The following RFFL variants were observed in gnomAD, a reference collection of about 807,000 sequenced individuals.
The protein encoded by RFFL is E3 ubiquitin-protein ligase rififylin.
Under a neutral mutation model 40.4 loss-of-function variants are expected in RFFL, and 16 were observed. The ratio of observed to expected loss-of-function variants is 0.40; its 90% confidence interval spans 0.27 to 0.60. RFFL has a LOEUF of 0.60. RFFL is among the 20% of genes least tolerant of loss of function. The pLI is 0.47. For synonymous variants in RFFL, 154 were observed against 167.9 expected, an observed-to-expected ratio of 0.92 and a Z score of 0.64; for missense variants, 367 against 451.7, an observed-to-expected ratio of 0.81 and a Z score of 1.70.
chr17:35,072,026 A>ATACCAGCATTTT (rs1399078285), intron 1 of RFFL, among the ~76,000 whole-genome samples: 1 of 152,020 alleles, frequency 6.6e-6, no homozygotes, highest in African/African-American at 2.4e-5. Context: ...CACACCTGTA[A>ATACCAGCATTTT]TACCAGCATT....
chr17:35,023,165 T>C (rs1293093316), intron 2 of RFFL, among the ~76,000 whole-genome samples: 2 of 152,220 alleles, frequency 1.3e-5, no homozygotes, highest in African/African-American at 4.8e-5. Flanking sequence ...TTGACTTAAG[T>C]AGTAACTTAA....
chr17:35,032,630 G>C (rs1250245444), intron 1 of RFFL, among the ~76,000 whole-genome samples: 1 of 152,028 alleles, frequency 6.6e-6, no homozygotes, highest in African/African-American at 2.4e-5. Context: ...TGTATACACA[G>C]GTACATGTTT....
At chr17:35,037,753 T>G (rs994011956) in intron 1 of RFFL, among the ~76,000 whole-genome samples, 2 of 152,218 alleles carry the variant, frequency 1.3e-5, no homozygotes, top group Non-Finnish European at 2.9e-5. Context: ...CCTCTTGAGA[T>G]GTAGTCCTGA....
chr17:35,046,074 G>C (rs368856137), intron 1 of RFFL, among the ~76,000 whole-genome samples: 7 of 150,664 alleles, frequency 4.6e-5, no homozygotes, highest in African/African-American at 1.5e-4. Flanking sequence ...ATTCCGGGAT[G>C]ATCAGTAAAT....
Position 35,021,681 on chromosome 17 carries a change from G to A in RFFL, c.281C>T (p.Thr94Ile). The A allele has an allele frequency of 1.9e-6, 3 of 1,614,250 alleles. No individual in the cohort carries two copies. The highest frequency in any genetic ancestry group is 2.2e-5 in the East Asian group (1 of 44,892). ...CATGAGCTCCTCTCGCTGAAAGGCT[G>A]TAGCTCGAAACCGTTGGCAGAGAAG... ...LCLLCQRFRA[T>I]AFQREELMKM... Residue 94 changes from threonine (T) to isoleucine (I), a missense_variant, in exon 3 of 7, where the codon ACA (threonine) becomes ATA (isoleucine). Physicochemically the swap from Thr to Ile is moderately conservative, Grantham distance 89. Coordinates refer to ENST00000394597, the MANE Select transcript of RFFL (RefSeq NM_001017368.2).
At chr17:35,020,549 C>T (rs1433256656) in intron 3 of RFFL, among the ~76,000 whole-genome samples, 2 of 151,640 alleles carry the variant, frequency 1.3e-5, no homozygotes, top group African/African-American at 4.9e-5. Flanking sequence ...AATTGTCTTC[C>T]ACAAAACGAG....
chr17:35,011,872 T>C lies in RFFL; in HGVS notation c.*96A>G. On this transcript the variant is annotated 3_prime_UTR_variant, in exon 7 of 7. Transcript: ENST00000394597. ...ACCTGGTTTTGGGAACCCTGCAATA[T>C]TTCTACTAGCTTGCTCCTCTGCAAG... 2 of 1,223,570 alleles carry C rather than the reference T, an allele frequency of 1.6e-6. No homozygotes were observed. The highest frequency in any genetic ancestry group is 2.3e-6 in the Non-Finnish European group (2 of 855,038). The allele number at this position is 1,223,570 out of a possible 1,614,324, so 75.8% of individuals were successfully genotyped here.
At chr17:35,061,476 T>C (rs911000317) in intron 1 of RFFL, among the ~76,000 whole-genome samples, 1 of 152,180 alleles carries the variant, frequency 6.6e-6, no homozygotes, top group African/African-American at 2.4e-5. Flanking sequence ...GATTGATTTT[T>C]GGGATGGAGT....
At chr17:35,069,919 A>G (rs1353822562) in intron 1 of RFFL, among the ~76,000 whole-genome samples, 2 of 152,146 alleles carry the variant, frequency 1.3e-5, no homozygotes, top group African/African-American at 4.8e-5. Flanking sequence ...GCTTTAAAAA[A>G]TTCACATTAA....
rs376169132 is a variant in RFFL at position 35,079,267 on chromosome 17, A to G, written c.-9+9838T>C. Reference sequence around the variant, plus strand: ...TTGAACTCCTGAACCCAAGTGATCCACCCACCTCAGCCTCCCAAAGTGCTG... The same window carrying G: ...TTGAACTCCTGAACCCAAGTGATCCGCCCACCTCAGCCTCCCAAAGTGCTG... On this transcript the variant is annotated intron_variant, in intron 1 of 6. Transcript: ENST00000315249. Among the ~76,000 whole-genome samples, 833 of 152,080 alleles carry G rather than the reference A, an allele frequency of 5.5e-3. 6 individuals are homozygous for G. Among genetic ancestry groups the G allele is most frequent in the African/African-American group, 0.019 (776 of 41,486 alleles).
At chr17:35,016,946 G>A (rs535313030) in intron 4 of RFFL, among the ~76,000 whole-genome samples, 5 of 152,232 alleles carry the variant, frequency 3.3e-5, no homozygotes, top group African/African-American at 9.6e-5. Context: ...CTCTGAGCCC[G>A]TTTGCCCCTC....
At chr17:35,037,347 G>A (rs1000160407) in intron 1 of RFFL, among the ~76,000 whole-genome samples, 1 of 152,180 alleles carries the variant, frequency 6.6e-6, no homozygotes, top group Non-Finnish European at 1.5e-5. Context: ...TGAATCATTA[G>A]TACAGAATGG....
intron 6 of RFFL, among the ~76,000 whole-genome samples, chr17:35,012,865 TATTC>T (rs1257656394): frequency 6.6e-6 from 1 of 152,254 alleles, no homozygotes; most frequent in Non-Finnish European, 1.5e-5. Context: ...TAATTCAACA[TATTC>T]AATCAATTTT....
chr17:35,031,601 T>C (rs1388335583), intron 1 of RFFL, among the ~76,000 whole-genome samples: 3 of 151,648 alleles, frequency 2.0e-5, no homozygotes, highest in Non-Finnish European at 2.9e-5. Context: ...TTAACGGAGG[T>C]TTGCACCATG....
chr17:35,018,586 C>T (rs546612062), intron 3 of RFFL: 2 of 152,160 alleles, frequency 1.3e-5, no homozygotes, highest in Non-Finnish European at 2.9e-5. Flanking sequence ...AGTGAAGGGA[C>T]AATCTGGGAA....
chr17:35,035,507 G>C (rs576893749), intron 1 of RFFL, among the ~76,000 whole-genome samples: 1 of 151,668 alleles, frequency 6.6e-6, no homozygotes, highest in Non-Finnish European at 1.5e-5. Flanking sequence ...TGGGGAAGGG[G>C]GTTATTACAG....
chr17:35,071,996 C>T (rs1357455407), intron 1 of RFFL, among the ~76,000 whole-genome samples: 7 of 151,894 alleles, frequency 4.6e-5, no homozygotes, highest in Admixed American at 4.6e-4. Context: ...AAAATACATT[C>T]GAGGCTGGGT....
At chr17:35,043,048 CT>C (rs1567708735) in intron 1 of RFFL, among the ~76,000 whole-genome samples, 1 of 152,088 alleles carries the variant, frequency 6.6e-6, no homozygotes, top group Non-Finnish European at 1.5e-5. Context: ...ATTTTCTATC[CT>C]CCAAGGCAGT....
rs1159588291 is a variant in RFFL, at chr17:35,011,993, C to T, written c.1067G>A (p.Arg356Gln). 3.7e-6 allele frequency: 6 copies of T among 1,614,032 alleles called. No homozygotes were observed. Among genetic ancestry groups the T allele is most frequent in the African/African-American group, 1.3e-5 (1 of 74,920 alleles). The change falls in exon 7 of 7, where the codon CGA becomes CAA. Residue 356 changes from arginine to glutamine, a missense_variant. By Grantham distance (43) the Arg-to-Gln change is conservative. Transcript: ENST00000394597. ...ECPICRQYVI[R>Q]AVHVFRS ...TCAGGACCGGAAGACATGCACAGCTCGGATTACATACTGCCGGCAGATGGG... is the reference window on the plus strand; with the variant it reads ...TCAGGACCGGAAGACATGCACAGCTTGGATTACATACTGCCGGCAGATGGG...
Sources: gnomAD v4.1 joint callset for allele counts (sites outside exome capture counted in the v4.1 genomes callset) on GRCh38, gnomAD v4.1.1 for gene constraint, MANE v1.5 for transcripts, NCBI Gene and HGNC (gene_info 2026-07-23, HGNC 2026-07-21) for gene names.